RSRC1: variants seen among roughly 807,000 people sequenced by gnomAD.
The protein encoded by RSRC1 is serine/Arginine-related protein 53.
Under a neutral mutation model 49.1 loss-of-function variants are expected in RSRC1, and 39 were observed. That is an observed-to-expected ratio of 0.79 (90% CI 0.61 to 1.04). The LOEUF is 1.04. RSRC1 is among the 50% of genes least tolerant of loss of function. The pLI is 0.00. For synonymous variants in RSRC1, 143 were observed against 130.8 expected (o/e 1.09, Z -0.63); for missense variants, 388 against 402.4 (o/e 0.96, Z 0.31).
At chr3:158,192,989 A>G (rs1031865014) in intron 3 of RSRC1, among the ~76,000 whole-genome samples, 1 of 152,102 alleles carries the variant, frequency 6.6e-6, no homozygotes, top group Non-Finnish European at 1.5e-5. Context: ...CATATTTCAT[A>G]TGCTTCTGAT....
chr3:158,140,709 T>C (rs1220835136), intron 3 of RSRC1, among the ~76,000 whole-genome samples: 1 of 152,248 alleles, frequency 6.6e-6, no homozygotes, highest in Non-Finnish European at 1.5e-5. Flanking sequence ...ACATATATAC[T>C]AAGTATCATG....
Position 158,229,268 on chromosome 3 carries a change from ATG to A in RSRC1, c.494+26025_494+26026del, listed in dbSNP as rs1722776715. On this transcript the variant is annotated intron_variant, in intron 4 of 9. Coordinates refer to ENST00000611884, the MANE Select transcript of RSRC1 (RefSeq NM_001271838.2). ...TATATAAACATACATGTATATGTGT[ATG>A]TATGTATATAAACATACACACACGT... Among the ~76,000 whole-genome samples the A allele has an allele frequency of 2.9e-5, 3 of 102,970 alleles. No individual in the cohort carries two copies. In the Admixed American group the frequency reaches 3.0e-4, roughly 10 times the overall value. 67.6% of individuals were successfully genotyped at this position (102,970 alleles called of 152,430 possible). A position where few individuals can be genotyped will look rare whatever the true frequency, so the allele number is the denominator to read the frequency against.
chr3:158,276,199 C>A (rs1270630058), intron 4 of RSRC1: 3 of 814,738 alleles, frequency 3.7e-6, no homozygotes, highest in Non-Finnish European at 4.3e-6. Flanking sequence ...CCCTTAGGAA[C>A]TGGGCATTTT....
At chr3:158,368,962 A>T (rs1267745732) in intron 6 of RSRC1, among the ~76,000 whole-genome samples, 1 of 152,140 alleles carries the variant, frequency 6.6e-6, no homozygotes, top group Non-Finnish European at 1.5e-5. Context: ...TAATGTAATG[A>T]AATGAAAAAT....
intron 4 of RSRC1, among the ~76,000 whole-genome samples, chr3:158,279,793 A>G (rs1405932720): frequency 6.6e-6 from 1 of 152,138 alleles, no homozygotes; most frequent in East Asian, 1.9e-4. Flanking sequence ...CCTCTTTCCT[A>G]GATGTAAGTT....
At chr3:158,337,395 G>A (rs1210138618) in intron 5 of RSRC1, among the ~76,000 whole-genome samples, 1 of 152,226 alleles carries the variant, frequency 6.6e-6, no homozygotes, top group African/African-American at 2.4e-5. Flanking sequence ...CTCAGACTAA[G>A]TAACAGGACA....
chr3:158,511,585 A>C (rs371884121), intron 7 of RSRC1, among the ~76,000 whole-genome samples: 3 of 152,054 alleles, frequency 2.0e-5, no homozygotes, highest in Non-Finnish European at 2.9e-5. Context: ...ATAAACATAC[A>C]TGTGCATGTG....
chr3:158,524,289 T>C (rs1326884469), intron 7 of RSRC1, among the ~76,000 whole-genome samples: 1 of 152,036 alleles, frequency 6.6e-6, no homozygotes, highest in African/African-American at 2.4e-5. Flanking sequence ...CCTCTTCAAT[T>C]AGGGCACAAT....
intron 4 of RSRC1, among the ~76,000 whole-genome samples, chr3:158,231,923 CAAAGA>C (rs1722986075): frequency 6.6e-6 from 1 of 151,760 alleles, no homozygotes; most frequent in African/African-American, 2.4e-5. Flanking sequence ...AATGAAAGAA[CAAAGA>C]AAAGTGAAAA....
chr3:158,457,749 T>TTTTTG (rs1553809981), intron 6 of RSRC1, among the ~76,000 whole-genome samples: 119 of 148,930 alleles, frequency 8.0e-4, no homozygotes, highest in Non-Finnish European at 1.1e-3. Flanking sequence ...TGTTTTTTTT[T>TTTTTG]TTTGTTTGTT....
chr3:158,252,048 G>C (rs1163768539), intron 4 of RSRC1, among the ~76,000 whole-genome samples: 1 of 151,936 alleles, frequency 6.6e-6, no homozygotes, highest in Non-Finnish European at 1.5e-5. Flanking sequence ...TTTATCAAAT[G>C]TTTTTTCAGC....
intron 5 of RSRC1, among the ~76,000 whole-genome samples, chr3:158,305,887 G>T (rs1427118871): frequency 6.6e-6 from 1 of 151,950 alleles, no homozygotes; most frequent in Non-Finnish European, 1.5e-5. Flanking sequence ...CTTACTCATA[G>T]CGTTGTTAAA....
At chr3:158,345,183 T>G (rs1463540921) in intron 5 of RSRC1, among the ~76,000 whole-genome samples, 1 of 151,354 alleles carries the variant, frequency 6.6e-6, no homozygotes, top group Non-Finnish European at 1.5e-5. Flanking sequence ...GCCGAGATTG[T>G]GCCGCTGCAC....
chr3:158,210,812 G>T (rs1721631606), intron 4 of RSRC1, among the ~76,000 whole-genome samples: 1 of 152,014 alleles, frequency 6.6e-6, no homozygotes, highest in African/African-American at 2.4e-5. Flanking sequence ...GATTTCCTCA[G>T]TACTCCAAGG....
At chr3:158,353,564 T>C (rs535980466) in intron 5 of RSRC1, among the ~76,000 whole-genome samples, 1 of 152,252 alleles carries the variant, frequency 6.6e-6, no homozygotes, top group East Asian at 1.9e-4. Flanking sequence ...TATAATACGT[T>C]CTCCCAGTCT....
At chr3:158,230,349 G>T (rs1008380882) in intron 4 of RSRC1, among the ~76,000 whole-genome samples, 4 of 152,052 alleles carry the variant, frequency 2.6e-5, no homozygotes, top group Non-Finnish European at 4.4e-5. Flanking sequence ...TTTCATGAAG[G>T]TCCAATTAAA....
At chr3:158,496,294 G>A (rs1408393187) in intron 7 of RSRC1, among the ~76,000 whole-genome samples, 1 of 152,128 alleles carries the variant, frequency 6.6e-6, no homozygotes, top group African/African-American at 2.4e-5. Context: ...TGGTTTTCAA[G>A]CTTTAGTGTG....
intron 6 of RSRC1, among the ~76,000 whole-genome samples, chr3:158,406,583 G>A (rs1734171277): frequency 6.6e-6 from 1 of 152,066 alleles, no homozygotes; most frequent in Admixed American, 6.6e-5. Context: ...TTTTTGTTTA[G>A]AAGGGGAGAT....
intron 4 of RSRC1, among the ~76,000 whole-genome samples, chr3:158,212,285 T>C (rs1432134184): frequency 6.6e-6 from 1 of 151,834 alleles, no homozygotes; most frequent in Non-Finnish European, 1.5e-5. Context: ...TTTAAGCAAC[T>C]TTTTTGTACT....
Sources: gnomAD v4.1 joint callset for allele counts (sites outside exome capture counted in the v4.1 genomes callset) on GRCh38, gnomAD v4.1.1 for gene constraint, MANE v1.5 for transcripts, NCBI Gene and HGNC (gene_info 2026-07-23, HGNC 2026-07-21) for gene names.